TMTC2: variants seen among roughly 807,000 people sequenced by gnomAD.
TMTC2 encodes the protein transmembrane O-mannosyltransferase targeting cadherins 2.
A neutral mutation model predicts 82.4 loss-of-function variants in TMTC2; 43 were observed. The ratio of observed to expected loss-of-function variants is 0.52; its 90% CI spans 0.41 to 0.67. The LOEUF (loss-of-function observed/expected upper bound fraction) is 0.67. Among genes scored for constraint, TMTC2 ranks in the 30% least tolerant of loss-of-function variants. The pLI, the probability that TMTC2 is intolerant of heterozygous loss-of-function variation, is 0.00. For missense variants in TMTC2, 919 were observed against 1,012.4 expected, an observed-to-expected ratio of 0.91 and a Z score of 1.25; for synonymous variants, 408 against 381.9, an observed-to-expected ratio of 1.07 and a Z score of -0.80.
intron 2 of TMTC2, among the ~76,000 whole-genome samples, chr12:82,861,112 A>G (rs1871524195): frequency 6.6e-6 from 1 of 150,942 alleles, no homozygotes. Flanking sequence ...CTGTTAAAAC[A>G]TAACTTATAT....
intron 1 of TMTC2, among the ~76,000 whole-genome samples, chr12:82,796,807 A>T (rs867600001): frequency 6.6e-6 from 1 of 152,030 alleles, no homozygotes; most frequent in African/African-American, 2.4e-5. Context: ...GCAGTTCTAC[A>T]ACTTACCAGC....
intron 7 of TMTC2, among the ~76,000 whole-genome samples, chr12:82,976,683 G>A (rs1878688652): frequency 6.6e-6 from 1 of 151,978 alleles, no homozygotes; most frequent in African/African-American, 2.4e-5. Flanking sequence ...ATATTGGGAT[G>A]GAGATACAAA....
intron 1 of TMTC2, among the ~76,000 whole-genome samples, chr12:82,742,814 G>A (rs1475303729): frequency 6.6e-6 from 1 of 152,116 alleles, no homozygotes; most frequent in Non-Finnish European, 1.5e-5. Context: ...GTGAGCCTCC[G>A]CTTCCAGCTA....
intron 4 of TMTC2, among the ~76,000 whole-genome samples, chr12:82,948,937 C>T (rs140268932): frequency 6.6e-6 from 1 of 151,988 alleles, no homozygotes; most frequent in African/African-American, 2.4e-5. Context: ...CATAGTGTAT[C>T]ATACTATACC....
At chr12:82,733,351 A>G (rs1874929737) in intron 1 of TMTC2, among the ~76,000 whole-genome samples, 1 of 152,170 alleles carries the variant, frequency 6.6e-6, no homozygotes, top group Non-Finnish European at 1.5e-5. Flanking sequence ...ATTGTGATAA[A>G]TGTTTGGGAT....
intron 1 of TMTC2, among the ~76,000 whole-genome samples, chr12:82,852,325 T>A (rs1369444251): frequency 1.3e-5 from 2 of 152,048 alleles, no homozygotes; most frequent in African/African-American, 4.8e-5. Context: ...GCCAGGATGG[T>A]CTCGATCTCC....
chr12:82,901,376 C>T lies in TMTC2; in HGVS notation c.1483+4730C>T, dbSNP rs181474535. On this transcript the variant is annotated intron_variant, in intron 3 of 11. Transcript: ENST00000321196. ...CTGGCATGCAGTGGTGCGATCTTGG[C>T]TCACCACGACCTCCGACTTCTGGGT... 1.2e-3 allele frequency among the ~76,000 whole-genome samples: 183 copies of T among 146,764 alleles called. 2 individuals carry two copies. The highest frequency in any genetic ancestry group is 4.6e-3 in the African/African-American group (179 of 39,320).
intron 1 of TMTC2, among the ~76,000 whole-genome samples, chr12:82,691,325 G>C (rs986914596): frequency 3.4e-5 from 5 of 149,186 alleles, no homozygotes; most frequent in Non-Finnish European, 7.5e-5. Flanking sequence ...CCACTGTGCA[G>C]TAATTTTTTG....
At chr12:82,897,568 C>G (rs1463320167) in intron 3 of TMTC2, among the ~76,000 whole-genome samples, 1 of 152,100 alleles carries the variant, frequency 6.6e-6, no homozygotes, top group Non-Finnish European at 1.5e-5. Flanking sequence ...CTCTGTCGCC[C>G]AGGCCGGAGT....
intron 11 of TMTC2, among the ~76,000 whole-genome samples, chr12:83,072,229 A>G (rs865966277): frequency 1.3e-5 from 2 of 152,120 alleles, no homozygotes; most frequent in South Asian, 2.1e-4. Context: ...AGTTCAAAGA[A>G]TTTTTAAATT....
At chr12:82,938,210 G>A (rs1592642034) in intron 4 of TMTC2, among the ~76,000 whole-genome samples, 3 of 151,970 alleles carry the variant, frequency 2.0e-5, no homozygotes, top group South Asian at 2.1e-4. Flanking sequence ...CACTGTGCCC[G>A]ACCTTTTTAG....
chr12:83,021,266 G>A (rs879345070), intron 8 of TMTC2, among the ~76,000 whole-genome samples: 1 of 152,026 alleles, frequency 6.6e-6, no homozygotes, highest in Non-Finnish European at 1.5e-5. Context: ...ACCCTATCTA[G>A]TCGGTGTTTC....
intron 1 of TMTC2, among the ~76,000 whole-genome samples, chr12:82,726,619 G>A (rs150244941): frequency 2.2e-3 from 334 of 152,190 alleles, no homozygotes; most frequent in African/African-American, 7.6e-3. Flanking sequence ...GGTGGCTCAC[G>A]CCTATAATCT....
chr12:83,108,190 G>A (rs370554510), intron 11 of TMTC2, among the ~76,000 whole-genome samples: 1 of 152,096 alleles, frequency 6.6e-6, no homozygotes, highest in African/African-American at 2.4e-5. Flanking sequence ...AGCAATGGGA[G>A]AATGGACTAA....
rs115270678 is a variant in TMTC2, at chr12:82,898,551, C to T, written c.1483+1905C>T. On this transcript the variant is annotated intron_variant, in intron 3 of 11. Transcript: ENST00000321196. ...ATGTGACAATCTAAGTATGTGCAAA[C>T]ACAGAGCTGATAAGATGGCGCCATG... is the stretch of plus-strand genomic sequence containing the variant. Among the ~76,000 whole-genome samples the T allele has an allele frequency of 9.3e-4, 142 of 152,248 alleles. 1 individual carries two copies. Among genetic ancestry groups the T allele is most frequent in the African/African-American group, 3.3e-3 (138 of 41,552 alleles).
At chr12:83,079,623 A>G (rs575313456) in intron 11 of TMTC2, among the ~76,000 whole-genome samples, 5 of 152,294 alleles carry the variant, frequency 3.3e-5, no homozygotes, top group Admixed American at 2.0e-4. Context: ...ACGAATAAAT[A>G]TATCATAGGC....
chr12:82,782,005 T>C (rs1165593779), intron 1 of TMTC2, among the ~76,000 whole-genome samples: 1 of 152,118 alleles, frequency 6.6e-6, no homozygotes, highest in East Asian at 1.9e-4. Context: ...CTGGTAGAAT[T>C]GAAGACCTCC....
At chr12:83,068,810 C>A (rs184956632) in intron 11 of TMTC2, among the ~76,000 whole-genome samples, 5 of 151,856 alleles carry the variant, frequency 3.3e-5, no homozygotes, top group Non-Finnish European at 2.9e-5. Flanking sequence ...ACCCATCATC[C>A]GAGCAGTGTA....
chr12:82,867,453 GA>G (rs1007194924), intron 2 of TMTC2, among the ~76,000 whole-genome samples: 6 of 152,196 alleles, frequency 3.9e-5, no homozygotes, highest in Middle Eastern at 6.8e-3. Flanking sequence ...ATAACATGGG[GA>G]AAATGAAGAA....
Sources: allele counts gnomAD v4.1 joint callset (sites outside exome capture counted in the v4.1 genomes callset), GRCh38; gene constraint gnomAD v4.1.1; transcripts MANE v1.5; gene names NCBI Gene and HGNC (gene_info 2026-07-23, HGNC 2026-07-21).